SAMD5: variants seen among roughly 807,000 people sequenced by gnomAD.
The protein encoded by SAMD5 is sterile alpha motif domain containing 5, also known as sterile alpha motif domain-containing protein 5.
SAMD5 carries 13 observed loss-of-function variants against 11.3 expected under a neutral mutation model. The observed-to-expected ratio is 1.15, with a 90% CI of 0.75 to 1.83. The LOEUF (loss-of-function observed/expected upper bound fraction) is 1.83, where lower values mean the gene tolerates loss of function less well. Among genes scored for constraint, SAMD5 ranks in the 40% most tolerant of loss-of-function variants. The pLI is 0.00. For synonymous variants in SAMD5, 129 were observed against 111.3 expected, an observed-to-expected ratio of 1.16 and a Z score of -1.00; for missense variants, 255 against 239.1, an observed-to-expected ratio of 1.07 and a Z score of -0.44.
the SAMD5 span, among the ~76,000 whole-genome samples, chr6:147,777,811 A>C: frequency 1.3e-4 from 20 of 152,304 alleles, no homozygotes; most frequent in African/African-American, 4.6e-4. Context: ...TAATGTATTC[A>C]AGATTCACCA....
At chr6:147,687,091 A>G (rs1791022640) in intron 1 of SAMD5, among the ~76,000 whole-genome samples, 1 of 152,148 alleles carries the variant, frequency 6.6e-6, no homozygotes, top group South Asian at 2.1e-4. Context: ...GACAAATGAC[A>G]TCTTTATGGA....
chr6:147,730,485 T>A (rs2128459979), intron 1 of SAMD5, among the ~76,000 whole-genome samples: 1 of 152,300 alleles, frequency 6.6e-6, no homozygotes, highest in South Asian at 2.1e-4. Flanking sequence ...GTTTTTGTCC[T>A]AAAACTGCAA....
downstream of SAMD5, among the ~76,000 whole-genome samples, chr6:147,570,311 G>A (rs1789118161): frequency 6.6e-6 from 1 of 152,150 alleles, no homozygotes; most frequent in African/African-American, 2.4e-5. Flanking sequence ...CACCGCGGTG[G>A]GAGATGGGAT....
the SAMD5 span, among the ~76,000 whole-genome samples, chr6:147,917,342 G>C: frequency 6.7e-6 from 1 of 148,168 alleles, no homozygotes; most frequent in East Asian, 2.0e-4. Context: ...TTTTTTGGCT[G>C]CATAAATGTC....
At chr6:147,695,795 TA>T (rs1791166668) in intron 1 of SAMD5, among the ~76,000 whole-genome samples, 1 of 152,194 alleles carries the variant, frequency 6.6e-6, no homozygotes, top group Non-Finnish European at 1.5e-5. Context: ...GAGACATTAC[TA>T]AGACTTTGTA....
the SAMD5 span, among the ~76,000 whole-genome samples, chr6:147,925,198 T>C: frequency 1.3e-5 from 2 of 152,136 alleles, no homozygotes. Context: ...ATAGGATTAG[T>C]GCCCTTATCA....
Position 147,565,564 on chromosome 6 carries a change from T to G in SAMD5, c.*1108T>G. ...ACTTTCGCCTCCCAGGTTCAAGGAA[T>G]TCTCCTGCCTCGGCCTCTTGGTAGC... On this transcript the variant is annotated 3_prime_UTR_variant, in exon 2 of 2. Transcript: ENST00000367474. The G allele has an allele frequency of 1.9e-6, 1 of 528,654 alleles. No homozygotes were observed. The highest frequency in any genetic ancestry group is 2.4e-6 in the Non-Finnish European group (1 of 413,510). The allele number at this position is 528,654 out of a possible 1,614,324, so 32.7% of individuals were successfully genotyped here.
chr6:147,792,167 G>C, the SAMD5 span, among the ~76,000 whole-genome samples: 1 of 152,126 alleles, frequency 6.6e-6, no homozygotes, highest in African/African-American at 2.4e-5. Flanking sequence ...AGGGGGTGGG[G>C]AGACAAGTTG....
the SAMD5 span, among the ~76,000 whole-genome samples, chr6:147,856,807 G>T: frequency 9.0e-6 from 1 of 110,642 alleles, no homozygotes; most frequent in African/African-American, 4.5e-5. Flanking sequence ...TAATGACTTA[G>T]TTTTCTGGGG....
At chr6:147,638,496 A>G (rs1166842935) in intron 1 of SAMD5, among the ~76,000 whole-genome samples, 1 of 152,206 alleles carries the variant, frequency 6.6e-6, no homozygotes, top group Non-Finnish European at 1.5e-5. Context: ...TGAGGAATGG[A>G]AGATGTGAGT....
chr6:147,909,163 T>C, the SAMD5 span, among the ~76,000 whole-genome samples: 1 of 152,196 alleles, frequency 6.6e-6, no homozygotes, highest in Non-Finnish European at 1.5e-5. Context: ...GAGCTTTGCT[T>C]GCGCCACCAC....
chr6:147,630,333 C>T (rs1790128718), intron 1 of SAMD5, among the ~76,000 whole-genome samples: 2 of 152,110 alleles, frequency 1.3e-5, no homozygotes, highest in South Asian at 4.1e-4. Context: ...ATTTGTACTA[C>T]AGGATTGATG....
At chr6:147,735,297 A>G (rs747132641) in intron 1 of SAMD5, among the ~76,000 whole-genome samples, 2 of 152,244 alleles carry the variant, frequency 1.3e-5, no homozygotes, top group Non-Finnish European at 2.9e-5. Context: ...AAAGACAGCT[A>G]TTATAATGGC....
In SAMD5 at chr6:147,508,723, T is replaced by C. The variant is rs1020470735; in HGVS notation, c.-206T>C. On this transcript the variant is annotated 5_prime_UTR_variant, in exon 1 of 2. Transcript: ENST00000367474. ...CGAGCTCCGCTGCTGCTTGGGGAAT[T>C]CACTTTGCTGCTTGTTCGCTTCTCC... is the stretch of plus-strand genomic sequence containing the variant. Among the ~76,000 whole-genome samples the C allele has an allele frequency of 6.6e-6, 1 of 152,152 alleles. No homozygotes were observed. Among genetic ancestry groups the C allele is most frequent in the Non-Finnish European group, 1.5e-5 (1 of 68,004 alleles).
the SAMD5 span, among the ~76,000 whole-genome samples, chr6:147,927,948 C>T: frequency 6.6e-6 from 1 of 152,056 alleles, no homozygotes; most frequent in Non-Finnish European, 1.5e-5. Flanking sequence ...CTTTAGTTCT[C>T]TTTATGTGAT....
At chr6:147,573,935 C>T (rs1050125621), downstream of SAMD5, among the ~76,000 whole-genome samples, 52 of 152,048 alleles carry the variant, frequency 3.4e-4, no homozygotes, top group African/African-American at 1.2e-3. Context: ...CCATCCTGGC[C>T]AACGTGGTGA....
chr6:147,638,313 A>G (rs182151843), intron 1 of SAMD5, among the ~76,000 whole-genome samples: 13 of 152,314 alleles, frequency 8.5e-5, no homozygotes, highest in Non-Finnish European at 1.5e-4. Context: ...TATCTAAACT[A>G]CTGAAATTTT....
chr6:147,635,522 C>G (rs2128451745), intron 1 of SAMD5, among the ~76,000 whole-genome samples: 1 of 152,278 alleles, frequency 6.6e-6, no homozygotes, highest in East Asian at 1.9e-4. Context: ...CCCCTTCAGT[C>G]TATTTCGACT....
the SAMD5 span, among the ~76,000 whole-genome samples, chr6:147,941,857 G>T: frequency 3.9e-5 from 2 of 51,946 alleles, no homozygotes; most frequent in Non-Finnish European, 8.0e-5. Context: ...AAGTTGGTTT[G>T]TTTGTTTGTT....
Sources: gnomAD v4.1 joint callset for allele counts (sites outside exome capture counted in the v4.1 genomes callset) on GRCh38, gnomAD v4.1.1 for gene constraint, MANE v1.5 for transcripts, NCBI Gene and HGNC (gene_info 2026-07-23, HGNC 2026-07-21) for gene names.